SNX29: variants seen among roughly 807,000 people sequenced by gnomAD.
The protein encoded by SNX29 is sorting nexin-29.
In SNX29, 78 loss-of-function variants were observed where a neutral mutation model predicts 102.1. The observed-to-expected ratio is 0.76, with a 90% CI of 0.64 to 0.92. SNX29 has a LOEUF of 0.92. Ranked by LOEUF, SNX29 falls within the 40% of genes least tolerant of loss-of-function variation. The pLI is 0.00. For synonymous variants in SNX29, 580 were observed against 414.5 expected (o/e 1.40, Z -4.85); for missense variants, 1,280 against 1,061.7 (o/e 1.21, Z -2.86).
intron 3 of SNX29, among the ~76,000 whole-genome samples, chr16:12,010,552 G>C (rs2056613496): frequency 6.6e-6 from 1 of 152,154 alleles, no homozygotes; most frequent in Non-Finnish European, 1.5e-5. Flanking sequence ...CTTGAGCCTA[G>C]GAGGTCGAGG....
intron 18 of SNX29, among the ~76,000 whole-genome samples, chr16:12,409,847 C>G (rs1246224025): frequency 3.3e-5 from 5 of 152,186 alleles, no homozygotes; most frequent in African/African-American, 9.7e-5. Context: ...TGGAATCAGT[C>G]TTCCATGTGG....
chr16:12,124,240 C>T (rs905521076), intron 11 of SNX29, among the ~76,000 whole-genome samples: 1 of 151,760 alleles, frequency 6.6e-6, no homozygotes, highest in African/African-American at 2.4e-5. Context: ...CCTGTAATCT[C>T]AGGTACGTGG....
intron 14 of SNX29, among the ~76,000 whole-genome samples, chr16:12,226,190 C>T (rs1263817937): frequency 6.6e-6 from 1 of 152,204 alleles, no homozygotes; most frequent in Non-Finnish European, 1.5e-5. Context: ...TGTTAATAGG[C>T]AGCCACTAGA....
At chr16:12,294,985 C>A (rs971919919) in intron 15 of SNX29, among the ~76,000 whole-genome samples, 1 of 152,100 alleles carries the variant, frequency 6.6e-6, no homozygotes, top group Non-Finnish European at 1.5e-5. Flanking sequence ...TCTTACATGG[C>A]GTCAGGCAAA....
At chr16:12,162,275 C>T (rs973874414) in intron 13 of SNX29, among the ~76,000 whole-genome samples, 2 of 152,196 alleles carry the variant, frequency 1.3e-5, no homozygotes, top group African/African-American at 2.4e-5. Context: ...ACCCTCTCAT[C>T]GTCCATCCTA....
At chr16:12,533,312 C>G (rs8061662) in intron 20 of SNX29, among the ~76,000 whole-genome samples, 4 of 152,184 alleles carry the variant, frequency 2.6e-5, no homozygotes, top group Admixed American at 6.5e-5. Flanking sequence ...AGTCACTGTT[C>G]GTGGGCTGGT....
chr16:12,196,167 G>T (rs911376053), intron 13 of SNX29, among the ~76,000 whole-genome samples: 1 of 151,788 alleles, frequency 6.6e-6, no homozygotes, highest in Non-Finnish European at 1.5e-5. Context: ...GTAGAGATGG[G>T]GTTTCACCAT....
intron 13 of SNX29, among the ~76,000 whole-genome samples, chr16:12,167,013 T>C (rs1472949677): frequency 6.6e-6 from 1 of 152,222 alleles, no homozygotes; most frequent in Non-Finnish European, 1.5e-5. Context: ...GGGGACTTTC[T>C]GTTACAGTCT....
In SNX29 at chr16:12,117,509, C is replaced by G. The variant is rs2053783482; in HGVS notation, c.1403-9124C>G. Among the ~76,000 whole-genome samples, 5 of 152,104 alleles carry G rather than the reference C, an allele frequency of 3.3e-5. No individual in the cohort carries two copies. In the South Asian group the frequency reaches 1.0e-3, roughly 31 times the overall value. ...TAGTCAAAGGAGCCAGGCAAAAAGA[C>G]TCTATTAAAAAAGAAGACCACATAA... On this transcript the variant is annotated intron_variant, in intron 11 of 20. Coordinates refer to ENST00000566228, the MANE Select transcript of SNX29 (RefSeq NM_032167.5).
chr16:12,260,667 A>T (rs1435799023), intron 14 of SNX29, among the ~76,000 whole-genome samples: 2 of 46,186 alleles, frequency 4.3e-5, no homozygotes, highest in Non-Finnish European at 1.1e-4. Flanking sequence ...GCTGGAGTGG[A>T]TGTTTGCTAT....
Position 12,248,804 on chromosome 16 carries a change from G to A in SNX29, c.1679-29129G>A, listed in dbSNP as rs1016460753. 2.0e-5 allele frequency among the ~76,000 whole-genome samples: 3 copies of A among 151,850 alleles called. No homozygotes were observed. In the South Asian group the frequency reaches 6.2e-4, roughly 32 times the overall value. On this transcript the variant is annotated intron_variant, in intron 14 of 20. Transcript: ENST00000566228. ...GCTTTATTTTTCTGTGCAGCTTTTA[G>A]CAGCACATGATAGAAAAATGCATTC... is the stretch of plus-strand genomic sequence containing the variant.
Position 12,419,573 on chromosome 16 carries a change from C to CCCA in SNX29, c.2037+16044_2037+16045insCCA, listed in dbSNP as rs879933721. ...TGTCATCAGACTCAGCCCCCCCCCC[C>CCCA]ATCTTTCTGTCGATTTGCGTTGCTC... On this transcript the variant is annotated intron_variant, in intron 18 of 20. Transcript: ENST00000566228. Among the ~76,000 whole-genome samples, 911 of 149,220 alleles carry CCCA rather than the reference C, an allele frequency of 6.1e-3. 15 individuals are homozygous for CCCA. Among genetic ancestry groups the CCCA allele is most frequent in the African/African-American group, 0.021 (846 of 40,696 alleles).
intron 4 of SNX29, among the ~76,000 whole-genome samples, chr16:12,031,923 A>G (rs1450732302): frequency 6.6e-6 from 1 of 152,214 alleles, no homozygotes; most frequent in Non-Finnish European, 1.5e-5. Flanking sequence ...GTACATTCAC[A>G]TGTCATACAG....
At chr16:12,266,500 A>C (rs1385970251) in intron 14 of SNX29, among the ~76,000 whole-genome samples, 1 of 152,086 alleles carries the variant, frequency 6.6e-6, no homozygotes, top group Non-Finnish European at 1.5e-5. Context: ...TTACAGAACA[A>C]CACCTGTCAC....
At chr16:12,347,451 T>G (rs181874356) in intron 15 of SNX29, among the ~76,000 whole-genome samples, 158 of 152,156 alleles carry the variant, frequency 1.0e-3, no homozygotes, top group African/African-American at 3.5e-3. Flanking sequence ...AGATGGGAGA[T>G]GCAGGACCAT....
chr16:12,462,593 TAC>T (rs35348415), intron 18 of SNX29, among the ~76,000 whole-genome samples: 3,069 of 150,962 alleles, frequency 0.02, 108 homozygotes, highest in African/African-American at 0.07. Flanking sequence ...GATTTCATTA[TAC>T]ACACACACAC....
intron 13 of SNX29, among the ~76,000 whole-genome samples, chr16:12,165,533 A>G (rs910660041): frequency 1.3e-5 from 2 of 152,240 alleles, no homozygotes; most frequent in African/African-American, 4.8e-5. Flanking sequence ...GTTTTTTACC[A>G]TTCAAATATT....
At chr16:12,048,804 A>T (rs2050191878) in intron 7 of SNX29, among the ~76,000 whole-genome samples, 184 bp downstream of exon 7, 1 of 152,206 alleles carries the variant, frequency 6.6e-6, no homozygotes, top group South Asian at 2.1e-4. Context: ...CCTTACCTAG[A>T]TGCGAGAATT....
At chr16:12,286,886 G>C (rs1273090828) in intron 15 of SNX29, among the ~76,000 whole-genome samples, 2 of 152,062 alleles carry the variant, frequency 1.3e-5, no homozygotes, top group South Asian at 4.1e-4. Flanking sequence ...TAAAAGATAA[G>C]AGGTCTTTTA....
Sources: allele counts gnomAD v4.1 joint callset (sites outside exome capture counted in the v4.1 genomes callset), GRCh38; gene constraint gnomAD v4.1.1; transcripts MANE v1.5; gene names NCBI Gene and HGNC (gene_info 2026-07-23, HGNC 2026-07-21).